ASCC3: variants seen among roughly 807,000 people sequenced by gnomAD.
ASCC3 encodes the protein ASC-1 complex subunit P200.
In ASCC3, 158 loss-of-function variants were observed where a neutral mutation model predicts 256.3. The observed-to-expected ratio is 0.62, with a 90% confidence interval of 0.54 to 0.70. The LOEUF (loss-of-function observed/expected upper bound fraction) is 0.70, where lower values mean the gene tolerates loss of function less well. ASCC3 is among the 30% of genes least tolerant of loss of function. The pLI is 0.00. For synonymous variants in ASCC3, 948 were observed against 883.4 expected (o/e 1.07, Z -1.30); for missense variants, 2,259 against 2,626.0 (o/e 0.86, Z 3.05).
Position 100,673,041 on chromosome 6 carries a change from TTG to T in ASCC3, c.2286+6575_2286+6576del, listed in dbSNP as rs573654477. Among the ~76,000 whole-genome samples, 242 of 152,158 alleles carry T rather than the reference TTG, an allele frequency of 1.6e-3. 1 individual carries two copies. The highest frequency in any genetic ancestry group is 5.7e-3 in the African/African-American group (235 of 41,540). On this transcript the variant is annotated intron_variant, in intron 14 of 41. Coordinates refer to ENST00000369162, the MANE Select transcript of ASCC3 (RefSeq NM_006828.4). ...AACTAATTTCCATATGTTATTCTGA[TTG>T]TGTTAATTATGCACTTTAACTTGGG...
intron 37 of ASCC3, among the ~76,000 whole-genome samples, chr6:100,522,230 T>G (rs1363770154): frequency 6.6e-6 from 1 of 152,118 alleles, no homozygotes; most frequent in Non-Finnish European, 1.5e-5. Flanking sequence ...GTGTGACACT[T>G]TCTTCTACAA....
chr6:100,629,170 A>T lies in ASCC3; in HGVS notation c.4220T>A (p.Leu1407Gln). ...CATATCAGGAGTCACATCCCCTGTT[A>T]GTTCAATAACTCTGGAGGGAAATAT... is the stretch of plus-strand genomic sequence containing the variant. ...EEKLGKKVIELTGDVTPDMKS... is the reference protein window; with the variant it reads ...EEKLGKKVIEQTGDVTPDMKS... The change falls in exon 27 of 42, where the codon CTA (leucine) becomes CAA (glutamine). Residue 1407 changes from leucine to glutamine, a missense_variant. Physicochemically the swap from Leu to Gln is moderately radical, Grantham distance 113. Around this residue, in one of 2 missense-constraint regions of ASCC3, gnomAD observed 1,839 missense variants for 2,206.7 expected, o/e 0.83. Coordinates refer to ENST00000369162, the MANE Select transcript of ASCC3 (RefSeq NM_006828.4). 6.2e-7 allele frequency: 1 copy of T among 1,613,390 alleles called. No homozygotes were observed. The highest frequency in any genetic ancestry group is 1.7e-5 in the Admixed American group (1 of 59,954).
At chr6:100,624,219 C>T (rs1375676516) in intron 30 of ASCC3, among the ~76,000 whole-genome samples, 1 of 151,426 alleles carries the variant, frequency 6.6e-6, no homozygotes, top group Admixed American at 6.6e-5. Flanking sequence ...TAGAAATACA[C>T]ATATATGAAG....
intron 36 of ASCC3, among the ~76,000 whole-genome samples, chr6:100,579,091 A>G (rs1269027503): frequency 6.6e-6 from 1 of 151,382 alleles, no homozygotes; most frequent in Non-Finnish European, 1.5e-5. Context: ...GACGTTGAGC[A>G]CTTTTTTTCC....
chr6:100,808,228 C>G (rs532580692), intron 4 of ASCC3, among the ~76,000 whole-genome samples: 1 of 151,784 alleles, frequency 6.6e-6, no homozygotes, highest in South Asian at 2.1e-4. Context: ...TTGCATAACT[C>G]ACTCAATCAA....
At chr6:100,592,499 T>C (rs1037413215) in intron 34 of ASCC3, among the ~76,000 whole-genome samples, 2 of 152,082 alleles carry the variant, frequency 1.3e-5, no homozygotes, top group African/African-American at 2.4e-5. Flanking sequence ...TAATTAGATA[T>C]ACAATTTGTG....
intron 30 of ASCC3, among the ~76,000 whole-genome samples, chr6:100,612,923 T>C (rs1289294587): frequency 8.1e-6 from 1 of 123,472 alleles, no homozygotes; most frequent in South Asian, 2.4e-4. Flanking sequence ...ACATGTGAAG[T>C]AAATATATAA....
intron 8 of ASCC3, among the ~76,000 whole-genome samples, chr6:100,778,320 A>G (rs952725868): frequency 3.9e-5 from 6 of 152,160 alleles, no homozygotes; most frequent in African/African-American, 1.4e-4. Flanking sequence ...TAATTTTCAG[A>G]AAGGTAGTGA....
At chr6:100,697,555 AAC>A (rs1554216359) in intron 13 of ASCC3, among the ~76,000 whole-genome samples, 4 of 152,020 alleles carry the variant, frequency 2.6e-5, no homozygotes, top group Non-Finnish European at 5.9e-5. Context: ...TAAAAAAAAA[AAC>A]ATTTTCAAGA....
intron 8 of ASCC3, among the ~76,000 whole-genome samples, chr6:100,775,307 A>T (rs1252853078): frequency 2.6e-5 from 4 of 152,182 alleles, no homozygotes; most frequent in Non-Finnish European, 4.4e-5. Context: ...AAATTATGAA[A>T]GAAAAATTCA....
At chr6:100,803,384 G>A (rs544051439) in intron 5 of ASCC3, among the ~76,000 whole-genome samples, 1 of 152,168 alleles carries the variant, frequency 6.6e-6, no homozygotes, top group South Asian at 2.1e-4. Flanking sequence ...AGTTTTATAA[G>A]TGTTTGGCAA....
intron 8 of ASCC3, among the ~76,000 whole-genome samples, chr6:100,780,465 T>C (rs1231253515): frequency 6.6e-6 from 1 of 152,070 alleles, no homozygotes; most frequent in Non-Finnish European, 1.5e-5. Context: ...TATTGCCAGG[T>C]ACAGTGACTC....
intron 1 of ASCC3, among the ~76,000 whole-genome samples, chr6:100,872,766 T>A (rs1397449430): frequency 2.0e-5 from 3 of 152,034 alleles, no homozygotes; most frequent in Non-Finnish European, 4.4e-5. Context: ...ACCTGCTGAG[T>A]GGCTAGATCC....
At chr6:100,813,815 G>T (rs1169238063) in intron 4 of ASCC3, among the ~76,000 whole-genome samples, 3 of 151,744 alleles carry the variant, frequency 2.0e-5, no homozygotes, top group African/African-American at 7.3e-5. Context: ...GAAAATACAA[G>T]AATTTTTATC....
At chr6:100,815,545 AT>A (rs1770700813) in intron 4 of ASCC3, among the ~76,000 whole-genome samples, 1 of 152,154 alleles carries the variant, frequency 6.6e-6, no homozygotes, top group Non-Finnish European at 1.5e-5. Flanking sequence ...CCAAAACAGC[AT>A]GGTATTGGTA....
intron 36 of ASCC3, among the ~76,000 whole-genome samples, chr6:100,579,964 A>C (rs1238654668): frequency 6.6e-6 from 1 of 152,154 alleles, no homozygotes; most frequent in Non-Finnish European, 1.5e-5. Context: ...ATGAATACGA[A>C]AGGTTTTTCC....
chr6:100,650,711 T>C lies in ASCC3; in HGVS notation c.3079A>G (p.Arg1027Gly), dbSNP rs139388311. Residue 1027 changes from arginine to glycine, a missense_variant, in exon 20 of 42, where the codon AGA (arginine) becomes GGA (glycine). Around this residue, in one of 2 missense-constraint regions of ASCC3, gnomAD observed 1,839 missense variants for 2,206.7 expected, o/e 0.83. Transcript: ENST00000369162. ...KAEEFDQIKV[R>G]EEEIEELDTL... The stretch of plus-strand genomic sequence containing the variant: ...TCTAACTCCTCTATTTCCTCTTCTC[T>C]GACCTAGAAGAATCAATGTATTTAT... The C allele has an allele frequency of 6.2e-6, 10 of 1,607,642 alleles. No homozygotes were observed. The highest frequency in any genetic ancestry group is 1.3e-5 in the African/African-American group (1 of 74,872).
At chr6:100,514,994 T>C (rs1346139251) in intron 39 of ASCC3, among the ~76,000 whole-genome samples, 1 of 152,200 alleles carries the variant, frequency 6.6e-6, no homozygotes, top group Non-Finnish European at 1.5e-5. Context: ...TTGAGCCAAA[T>C]AACCATCATC....
chr6:100,527,705 T>A (rs1197293149), intron 37 of ASCC3, among the ~76,000 whole-genome samples: 2 of 152,206 alleles, frequency 1.3e-5, no homozygotes, highest in Non-Finnish European at 2.9e-5. Flanking sequence ...ACAGTCATAA[T>A]ATCTTTCACT....
Sources: gnomAD v4.1 joint callset for allele counts (sites outside exome capture counted in the v4.1 genomes callset) on GRCh38, gnomAD v4.1.1 for gene constraint, gnomAD v4.1.1 regional missense constraint, MANE v1.5 for transcripts, NCBI Gene and HGNC (gene_info 2026-07-23, HGNC 2026-07-21) for gene names.